SALL3: variants seen among roughly 807,000 people sequenced by gnomAD.
SALL3 encodes spalt like transcription factor 3, also known as sal-like protein 3.
SALL3 carries 25 observed loss-of-function variants against 66.2 expected under a neutral mutation model. The ratio of observed to expected loss-of-function variants is 0.38; its 90% CI spans 0.28 to 0.53. SALL3 has a LOEUF of 0.53. SALL3 is among the 20% of genes least tolerant of loss of function. SALL3 has a pLI of 0.85. For synonymous variants in SALL3, 1,152 were observed against 899.1 expected (o/e 1.28, Z -5.03); for missense variants, 2,194 against 1,916.5 (o/e 1.14, Z -2.70).
At position 78,993,650 on chromosome 18, in the gene SALL3, G is replaced by A. The variant is rs563574388; in HGVS notation, c.1659G>A (p.Pro553=). The change falls in exon 2 of 3, where the codon CCG becomes CCA. Residue 553 remains proline, a synonymous_variant. Coordinates refer to ENST00000537592, the MANE Select transcript of SALL3 (RefSeq NM_171999.4). ...GCGCCACCCCAGCCAGCCGCTCCCC[G>A]CAGAGGCCCTCGCCCGCCTCCAGCG... ...SPSATPASRS[P]QRPSPASSEC... is the part of the protein sequence containing the mutation. The A allele has an allele frequency of 1.7e-5, 27 of 1,588,742 alleles. No individual in the cohort carries two copies. The East Asian group carries it at 3.2e-4, about 19-fold the overall frequency.
At chr18:78,988,923 C>T (rs1008655057) in intron 1 of SALL3, among the ~76,000 whole-genome samples, 4 of 152,132 alleles carry the variant, frequency 2.6e-5, no homozygotes, top group Admixed American at 2.6e-4. Context: ...TATTACGGAG[C>T]TTTGCTTATA....
In SALL3 at chr18:78,985,725, A is replaced by T. The variant is rs142579350; in HGVS notation, c.82+5369A>T. On this transcript the variant is annotated intron_variant, in intron 1 of 2. Coordinates refer to ENST00000537592, the MANE Select transcript of SALL3 (RefSeq NM_171999.4). The stretch of plus-strand genomic sequence containing the variant: ...TGCCCCTCTAGAGCTATTTACATGT[A>T]GGCATTTATATGTCTAAGTGGTTTT... Among the ~76,000 whole-genome samples the T allele has an allele frequency of 3.1e-3, 476 of 152,250 alleles. 5 individuals carry two copies. The highest frequency in any genetic ancestry group is 0.011 in the African/African-American group (464 of 41,544).
Position 78,980,229 on chromosome 18 carries a change from C to T in SALL3, c.-46C>T, listed in dbSNP as rs946531328. 3.1e-5 allele frequency: 31 copies of T among 1,007,140 alleles called. No individual in the cohort carries two copies. The African/African-American group carries it at 4.7e-4, about 15-fold the overall frequency. The allele number at this position is 1,007,140 out of a possible 1,614,324, so 62.4% of individuals were successfully genotyped here. On this transcript the variant is annotated 5_prime_UTR_variant, in exon 1 of 3. Coordinates refer to ENST00000537592, the MANE Select transcript of SALL3 (RefSeq NM_171999.4). The stretch of plus-strand genomic sequence containing the variant: ...CCCCGCGCCGTCCCCGCCGGCCGCC[C>T]CGCTGATGCCGCTGCCCCGCGCGGG...
rs1203584320 is a variant in SALL3, at chr18:78,992,157, T to C, written c.166T>C (p.Cys56Arg). The C allele has an allele frequency of 9.3e-6, 15 of 1,608,736 alleles. No individual in the cohort carries two copies. The highest frequency in any genetic ancestry group is 1.3e-5 in the Non-Finnish European group (15 of 1,178,494). ...GGEETSVCEKCCAEFFKWADF... is the reference protein window; with the variant it reads ...GGEETSVCEKRCAEFFKWADF... ...CGAGGAGACCAGCGTGTGCGAGAAA[T>C]GCTGCGCCGAGTTCTTCAAGTGGGC... is the stretch of plus-strand genomic sequence containing the variant. The change falls in exon 2 of 3, where the codon TGC (cysteine) becomes CGC (arginine). Residue 56 changes from cysteine (C) to arginine (R), a missense_variant. Coordinates refer to ENST00000537592, the MANE Select transcript of SALL3 (RefSeq NM_171999.4).
Position 78,994,371 on chromosome 18 carries a change from A to C in SALL3, c.2380A>C (p.Ser794Arg). ...AYDDKNAETL[S>R]SYDDDMDENS... is the part of the protein sequence containing the mutation. ...CGACGACAAGAACGCGGAGACCCTG[A>C]GCAGCTACGATGACGACATGGACGA... The change falls in exon 2 of 3, where the codon AGC becomes CGC. Residue 794 changes from serine (S) to arginine (R), a missense_variant. Physicochemically the swap from Ser to Arg is moderately radical, Grantham distance 110 (BLOSUM62 -1). Transcript: ENST00000537592. 1 of 1,613,446 alleles carries C rather than the reference A, an allele frequency of 6.2e-7. No homozygotes were observed.
rs773796087 is a variant in SALL3, at chr18:78,992,272, T to C, written c.281T>C (p.Phe94Ser). The C allele has an allele frequency of 6.5e-7, 1 of 1,539,776 alleles. No individual in the cohort carries two copies. The highest frequency in any genetic ancestry group is 8.7e-7 in the Non-Finnish European group (1 of 1,151,720). ...GCGCCCGCGCCGCCCCCCGAGGACT[T>C]CCCCGAGCCTTCGCCCGCCAGCTCC... ...EDAPAPPPED[F>S]PEPSPASSPS... The change falls in exon 2 of 3, where the codon TTC becomes TCC. Residue 94 changes from phenylalanine to serine, a missense_variant. Transcript: ENST00000537592.
intron 1 of SALL3, among the ~76,000 whole-genome samples, chr18:78,988,515 C>T (rs1455069166): frequency 1.3e-5 from 2 of 152,194 alleles, no homozygotes; most frequent in African/African-American, 2.4e-5. Flanking sequence ...AATATGTTCA[C>T]TTTGGTTATT....
At position 78,980,218 on chromosome 18, in the gene SALL3, C is replaced by G. The variant is rs1336676759; in HGVS notation, c.-57C>G. 3.3e-6 allele frequency: 3 copies of G among 917,722 alleles called. No homozygotes were observed. The highest frequency in any genetic ancestry group is 6.3e-5 in the Admixed American group (1 of 15,908). 56.8% of individuals were successfully genotyped at this position (917,722 alleles called of 1,614,324 possible). On this transcript the variant is annotated 5_prime_UTR_variant, in exon 1 of 3. Coordinates refer to ENST00000537592, the MANE Select transcript of SALL3 (RefSeq NM_171999.4). ...CCGCCAGGCCGCCCCGCGCCGTCCC[C>G]GCCGGCCGCCCCGCTGATGCCGCTG...
intron 1 of SALL3, among the ~76,000 whole-genome samples, chr18:78,989,606 A>G (rs1914358194): frequency 1.3e-5 from 2 of 152,364 alleles, no homozygotes; most frequent in South Asian, 4.1e-4. Flanking sequence ...TCTTTTAATA[A>G]GATACACACT....
chr18:78,993,001 C>T lies in SALL3; in HGVS notation c.1010C>T (p.Pro337Leu), dbSNP rs761747883. ...CCGCAGAGCGCAGCCTCGTCGCAGC[C>T]GCAGAGCGCATCCACGCCGCCTGCC... ...PAPQSAASSQ[P>L]QSASTPPALA... The change falls in exon 2 of 3, where the codon CCG becomes CTG. Residue 337 changes from proline (P) to leucine (L), a missense_variant. Pro to Leu is a moderately conservative substitution (Grantham distance 98). Coordinates refer to ENST00000537592, the MANE Select transcript of SALL3 (RefSeq NM_171999.4). The T allele has an allele frequency of 2.1e-5, 31 of 1,485,232 alleles. No homozygotes were observed. The highest frequency in any genetic ancestry group is 1.7e-4 in the South Asian group (13 of 74,634). 92.0% of individuals were successfully genotyped at this position (1,485,232 alleles called of 1,614,324 possible). A position where few individuals can be genotyped will look rare whatever the true frequency, so the allele number is the denominator to read the frequency against.
chr18:78,994,661 C>T lies in SALL3; in HGVS notation c.2670C>T (p.Ser890=), dbSNP rs758153446. The change falls in exon 2 of 3, where the codon AGC becomes AGT. Residue 890 remains serine, a synonymous_variant. Transcript: ENST00000537592. ...SSAVGDLESR[S]AGSPALSESS... is the part of the protein sequence containing the mutation. ...CCGTGGGCGACCTGGAGAGCCGCAG[C>T]GCGGGCAGCCCCGCCCTGTCCGAGT... is the stretch of plus-strand genomic sequence containing the variant. 44 of 1,608,834 alleles carry T rather than the reference C, an allele frequency of 2.7e-5. No homozygotes were observed. Among genetic ancestry groups the T allele is most frequent in the Non-Finnish European group, 2.4e-5 (28 of 1,178,860 alleles).
chr18:78,984,410 A>G (rs1423089016), intron 1 of SALL3, among the ~76,000 whole-genome samples: 1 of 44,442 alleles, frequency 2.3e-5, no homozygotes, highest in Non-Finnish European at 6.8e-5. Flanking sequence ...CAAGAAGCAT[A>G]ACTTTTAAAT....
intron 1 of SALL3, among the ~76,000 whole-genome samples, chr18:78,983,209 C>T (rs1458361820): frequency 6.6e-6 from 1 of 152,140 alleles, no homozygotes; most frequent in Non-Finnish European, 1.5e-5. Flanking sequence ...GATCTCATTC[C>T]TATTTTAGAA....
chr18:78,984,831 T>C (rs2447435), intron 1 of SALL3, among the ~76,000 whole-genome samples: 100,699 of 152,260 alleles, frequency 0.66, 36,789 homozygotes, highest in East Asian at 0.91. Flanking sequence ...TTCTCCAGAC[T>C]GAGACGGTGT....
chr18:78,980,440 G>A, intron 1 of SALL3, 84 bp downstream of exon 1: 1 of 831,280 alleles, frequency 1.2e-6, no homozygotes, highest in Non-Finnish European at 1.6e-6. Context: ...GAGCGGATGC[G>A]CGCGTCCGGG....
chr18:78,981,580 C>A (rs926766268), intron 1 of SALL3, among the ~76,000 whole-genome samples: 9 of 152,110 alleles, frequency 5.9e-5, no homozygotes, highest in African/African-American at 1.4e-4. Context: ...GCTTATGACG[C>A]GGCTGGAGAA....
chr18:78,981,440 A>G (rs1914068726), intron 1 of SALL3, among the ~76,000 whole-genome samples: 1 of 152,250 alleles, frequency 6.6e-6, no homozygotes, highest in Admixed American at 6.5e-5. Context: ...TTGGAGGCAG[A>G]TGGTGATCTT....
At position 78,994,384 on chromosome 18, in the gene SALL3, A is replaced by G; in HGVS notation, c.2393A>G (p.Asp798Gly). 6.2e-7 allele frequency: 1 copy of G among 1,613,286 alleles called. No homozygotes were observed. Among genetic ancestry groups the G allele is most frequent in the Non-Finnish European group, 8.5e-7 (1 of 1,180,000 alleles). The change falls in exon 2 of 3, where the codon GAC (aspartate) becomes GGC (glycine). Residue 798 changes from aspartate to glycine, a missense_variant. Transcript: ENST00000537592. ...KNAETLSSYD[D>G]DMDENSMEDD... Reference sequence around the variant, plus strand: ...GCGGAGACCCTGAGCAGCTACGATGACGACATGGACGAGAACTCCATGGAG... The same window carrying G: ...GCGGAGACCCTGAGCAGCTACGATGGCGACATGGACGAGAACTCCATGGAG...
In SALL3 at chr18:78,994,293, A is replaced by G. The variant is rs749826848; in HGVS notation, c.2302A>G (p.Asn768Asp). 5 of 1,613,594 alleles carry G rather than the reference A, an allele frequency of 3.1e-6. No individual in the cohort carries two copies. The highest frequency in any genetic ancestry group is 4.2e-6 in the Non-Finnish European group (5 of 1,180,014). ...IRMHMGGQIP[N>D]TPLPEGFQDA... is the part of the protein sequence containing the mutation. ...CATGCACATGGGCGGCCAGATCCCC[A>G]ACACGCCGCTGCCGGAGGGCTTCCA... Residue 768 changes from asparagine to aspartate, a missense_variant, in exon 2 of 3, where the codon AAC (asparagine) becomes GAC (aspartate). Asn to Asp is a conservative substitution (Grantham distance 23, BLOSUM62 1). Transcript: ENST00000537592.
Sources: allele counts gnomAD v4.1 joint callset (sites outside exome capture counted in the v4.1 genomes callset), GRCh38; gene constraint gnomAD v4.1.1; transcripts MANE v1.5; gene names NCBI Gene and HGNC (gene_info 2026-07-23, HGNC 2026-07-21).